NRXN3: variants seen among roughly 807,000 people sequenced by gnomAD.
NRXN3 encodes neurexin 3.
A neutral mutation model predicts 137.6 loss-of-function variants in NRXN3; 32 were observed. The ratio of observed to expected loss-of-function variants is 0.23; its 90% confidence interval spans 0.18 to 0.31. The LOEUF is 0.31. NRXN3 is among the 10% of genes least tolerant of loss of function. The probability of loss-of-function intolerance (pLI) is 1.00; values close to 1 mark genes in which losing one functional copy is unlikely to be tolerated. For synonymous variants in NRXN3, 798 were observed against 784.5 expected, an observed-to-expected ratio of 1.02 and a Z score of -0.29; for missense variants, 1,574 against 2,062.5, an observed-to-expected ratio of 0.76 and a Z score of 4.59.
intron 16 of NRXN3, among the ~76,000 whole-genome samples, chr14:79,580,827 T>TA (rs1485654285): frequency 2.0e-5 from 3 of 152,068 alleles, no homozygotes; most frequent in Non-Finnish European, 4.4e-5. Context: ...TTTTAGCATA[T>TA]GGACAGAAGG....
intron 15 of NRXN3, among the ~76,000 whole-genome samples, chr14:79,411,157 CAG>C (rs774181693): frequency 1.3e-5 from 2 of 152,058 alleles, no homozygotes; most frequent in Non-Finnish European, 2.9e-5. Flanking sequence ...ACTTCTATGT[CAG>C]AGTTTGCAAG....
intron 4 of NRXN3, among the ~76,000 whole-genome samples, chr14:78,515,918 T>C (rs926953886): frequency 7.2e-5 from 11 of 152,124 alleles, no homozygotes; most frequent in Non-Finnish European, 1.3e-4. Context: ...AGAATCCAAA[T>C]TGGATGAGCG....
chr14:79,801,361 C>T lies in NRXN3; in HGVS notation c.4015-3751C>T, dbSNP rs567368198. Reference sequence around the variant, plus strand: ...TAAAATGGAAGTAATGAATTGTCAGCAACAAAGAACACTTCTAATGTGGGG... The same window carrying T: ...TAAAATGGAAGTAATGAATTGTCAGTAACAAAGAACACTTCTAATGTGGGG... On this transcript the variant is annotated intron_variant, in intron 19 of 20. Transcript: ENST00000335750. Among the ~76,000 whole-genome samples, 12 of 152,214 alleles carry T rather than the reference C, an allele frequency of 7.9e-5. No homozygotes were observed. In the South Asian group the frequency reaches 2.5e-3, roughly 32 times the overall value.
chr14:79,428,524 A>G (rs2095693174), intron 15 of NRXN3, among the ~76,000 whole-genome samples: 1 of 152,112 alleles, frequency 6.6e-6, no homozygotes, highest in Non-Finnish European at 1.5e-5. Flanking sequence ...TTTAAATTCT[A>G]AACAGAGAAA....
At chr14:79,391,922 G>A (rs896867020) in intron 15 of NRXN3, among the ~76,000 whole-genome samples, 1 of 152,176 alleles carries the variant, frequency 6.6e-6, no homozygotes, top group African/African-American at 2.4e-5. Context: ...AGAAGTCTAT[G>A]TTCTATAGTC....
At chr14:78,643,878 C>T (rs1421766776) in intron 4 of NRXN3, among the ~76,000 whole-genome samples, 1 of 152,184 alleles carries the variant, frequency 6.6e-6, no homozygotes, top group African/African-American at 2.4e-5. Context: ...TGCAGTGGCT[C>T]ACGCCTGTAA....
intron 4 of NRXN3, among the ~76,000 whole-genome samples, chr14:78,326,509 G>A (rs2080098262): frequency 6.6e-6 from 1 of 152,208 alleles, no homozygotes. Context: ...TGAAGGGACT[G>A]TGAGGGAGTC....
At chr14:79,707,078 C>G (rs2098783314) in intron 19 of NRXN3, among the ~76,000 whole-genome samples, 1 of 151,970 alleles carries the variant, frequency 6.6e-6, no homozygotes, top group South Asian at 2.1e-4. Context: ...TGTCTGAAAC[C>G]CTATAATTTG....
chr14:79,422,928 G>T (rs2095602132), intron 15 of NRXN3, among the ~76,000 whole-genome samples: 1 of 151,970 alleles, frequency 6.6e-6, no homozygotes, highest in African/African-American at 2.4e-5. Flanking sequence ...TCGAACTCCT[G>T]ATCTTGTGAT....
rs183856512 is a variant in NRXN3 at position 78,211,845 on chromosome 14, G to A, written c.-703-30546G>A. 6.7e-4 allele frequency among the ~76,000 whole-genome samples: 102 copies of A among 152,320 alleles called. 1 individual carries two copies. Among genetic ancestry groups the A allele is most frequent in the African/African-American group, 2.1e-3 (87 of 41,578 alleles). ...GGCTATGCTGTTGTAGGGGTGGCCC[G>A]AAGGGGAATCACTGTTGTCTTCATG... On this transcript the variant is annotated intron_variant, in intron 1 of 20. Transcript: ENST00000335750.
intron 15 of NRXN3, among the ~76,000 whole-genome samples, chr14:79,291,508 C>T (rs1372309774): frequency 6.6e-6 from 1 of 151,460 alleles, no homozygotes; most frequent in South Asian, 2.1e-4. Flanking sequence ...GGCATAGCCA[C>T]CATGCCCAGC....
intron 10 of NRXN3, among the ~76,000 whole-genome samples, chr14:78,853,396 T>A (rs1403317765): frequency 6.6e-6 from 1 of 152,140 alleles, no homozygotes; most frequent in African/African-American, 2.4e-5. Flanking sequence ...GATGGACACA[T>A]AGTTTGCAGG....
At chr14:78,347,786 G>A (rs1342346608) in intron 4 of NRXN3, among the ~76,000 whole-genome samples, 1 of 152,138 alleles carries the variant, frequency 6.6e-6, no homozygotes, top group African/African-American at 2.4e-5. Flanking sequence ...CAGGCTGGCT[G>A]TGTACTTAGT....
At chr14:79,409,466 A>G (rs988012309) in intron 15 of NRXN3, among the ~76,000 whole-genome samples, 1 of 150,586 alleles carries the variant, frequency 6.6e-6, no homozygotes, top group Non-Finnish European at 1.5e-5. Context: ...ATACATATAC[A>G]TATATAGGAA....
intron 2 of NRXN3, among the ~76,000 whole-genome samples, chr14:78,261,442 C>A (rs1288024418): frequency 6.6e-6 from 1 of 152,188 alleles, no homozygotes; most frequent in African/African-American, 2.4e-5. Context: ...GATGCTTGGG[C>A]TGGAATCGCA....
chr14:79,668,541 C>T (rs541740958), intron 17 of NRXN3, among the ~76,000 whole-genome samples: 1 of 152,266 alleles, frequency 6.6e-6, no homozygotes, highest in Non-Finnish European at 1.5e-5. Flanking sequence ...TTTCTGCTCA[C>T]TTTCCTATTT....
At chr14:78,947,688 A>C (rs2099369029) in intron 10 of NRXN3, among the ~76,000 whole-genome samples, 1 of 152,042 alleles carries the variant, frequency 6.6e-6, no homozygotes, top group African/African-American at 2.4e-5. Context: ...CTTCCTCACA[A>C]CCCCAGGAGT....
intron 4 of NRXN3, among the ~76,000 whole-genome samples, chr14:78,410,534 C>T (rs577466580): frequency 6.6e-4 from 101 of 152,294 alleles, no homozygotes; most frequent in Middle Eastern, 6.8e-3. Flanking sequence ...CAGGGTTCTT[C>T]TTCAGACCAG....
intron 15 of NRXN3, among the ~76,000 whole-genome samples, chr14:79,037,508 G>C (rs1211015211): frequency 1.3e-5 from 2 of 152,032 alleles, no homozygotes; most frequent in Non-Finnish European, 2.9e-5. Context: ...TTAAAATCGG[G>C]GTGAAGCAAG....
Sources: gnomAD v4.1 joint callset for allele counts (sites outside exome capture counted in the v4.1 genomes callset) on GRCh38, gnomAD v4.1.1 for gene constraint, MANE v1.5 for transcripts, NCBI Gene and HGNC (gene_info 2026-07-23, HGNC 2026-07-21) for gene names.